The following NBAS variants were observed in gnomAD, a reference collection of about 807,000 sequenced individuals.
NBAS encodes the protein NBAS subunit of NRZ tethering complex.
NBAS carries 219 observed loss-of-function variants against 302.5 expected under a neutral mutation model. The observed-to-expected ratio is 0.72, with a 90% CI of 0.65 to 0.81. NBAS has a LOEUF of 0.81. Among genes scored for constraint, NBAS ranks in the 30% least tolerant of loss-of-function variants. The pLI, the probability that NBAS is intolerant of heterozygous loss-of-function variation, is 0.00. For missense variants in NBAS, 2,932 were observed against 2,841.6 expected (o/e 1.03, Z -0.72); for synonymous variants, 1,118 against 1,021.6 (o/e 1.09, Z -1.80).
At chr2:15,335,303 T>C (rs1002179571) in intron 35 of NBAS, among the ~76,000 whole-genome samples, 8 of 152,194 alleles carry the variant, frequency 5.3e-5, no homozygotes, top group Non-Finnish European at 8.8e-5. Flanking sequence ...AGATTGAAGA[T>C]AATACCAATA....
the NBAS span, among the ~76,000 whole-genome samples, chr2:14,896,583 A>AT: frequency 5.3e-4 from 79 of 149,116 alleles, no homozygotes; most frequent in South Asian, 1.1e-3. Flanking sequence ...TTCTCTTGCC[A>AT]TTTTTTTTTT....
the NBAS span, among the ~76,000 whole-genome samples, chr2:15,106,470 TC>T: frequency 6.6e-6 from 1 of 151,674 alleles, no homozygotes; most frequent in Non-Finnish European, 1.5e-5. Context: ...TCTCTCTCTC[TC>T]TCTCTCTCAC....
rs573906038 is a variant in NBAS, at chr2:15,531,564, A to G, written c.746+2979T>C. ...GAATTATTAACTACAAGGAGAATAAATAAGTAAGAAGTTACCAGGTGGGTC... is the reference window on the plus strand; with the variant it reads ...GAATTATTAACTACAAGGAGAATAAGTAAGTAAGAAGTTACCAGGTGGGTC... On this transcript the variant is annotated intron_variant, in intron 9 of 51. Coordinates refer to ENST00000281513, the MANE Select transcript of NBAS (RefSeq NM_015909.4). Among the ~76,000 whole-genome samples, 12 of 152,362 alleles carry G rather than the reference A, an allele frequency of 7.9e-5. No individual in the cohort carries two copies. The East Asian group carries it at 2.3e-3, about 29-fold the overall frequency.
chr2:14,895,422 G>T, the NBAS span, among the ~76,000 whole-genome samples: 9 of 152,236 alleles, frequency 5.9e-5, no homozygotes, highest in Non-Finnish European at 1.2e-4. Flanking sequence ...AACAAAAATA[G>T]ACAAATGAGA....
At chr2:15,438,178 G>A (rs562643920) in intron 21 of NBAS, among the ~76,000 whole-genome samples, 12 of 152,280 alleles carry the variant, frequency 7.9e-5, no homozygotes, top group African/African-American at 2.9e-4. Context: ...TCCAGATTAA[G>A]GAAAGCCTTT....
At chr2:15,004,223 T>C in the NBAS span, among the ~76,000 whole-genome samples, 14 of 152,202 alleles carry the variant, frequency 9.2e-5, no homozygotes, top group Non-Finnish European at 1.6e-4. Flanking sequence ...TTTGTCCCTT[T>C]TTTACTGTAT....
intron 25 of NBAS, among the ~76,000 whole-genome samples, chr2:15,406,839 A>G (rs1676439593): frequency 2.0e-5 from 3 of 152,328 alleles, no homozygotes; most frequent in Admixed American, 2.0e-4. Flanking sequence ...ACACTGAAAT[A>G]CCATTTCTCA....
At chr2:14,960,063 C>T in the NBAS span, among the ~76,000 whole-genome samples, 1 of 152,074 alleles carries the variant, frequency 6.6e-6, no homozygotes, top group South Asian at 2.1e-4. Flanking sequence ...AACTAAACTG[C>T]ACTTGGAAAA....
At chr2:15,340,191 C>T (rs187302255) in intron 35 of NBAS, among the ~76,000 whole-genome samples, 1 of 151,960 alleles carries the variant, frequency 6.6e-6, no homozygotes, top group South Asian at 2.1e-4. Context: ...AGCAGAAGCA[C>T]GGAGACAAAC....
intron 42 of NBAS, among the ~76,000 whole-genome samples, chr2:15,278,408 T>C (rs1234994903): frequency 2.0e-5 from 3 of 152,196 alleles, no homozygotes; most frequent in Non-Finnish European, 2.9e-5. Context: ...ATCCTTCTAT[T>C]CTGTTATTCG....
the NBAS span, among the ~76,000 whole-genome samples, chr2:14,971,849 A>C: frequency 6.4e-3 from 973 of 152,294 alleles, 13 homozygotes; most frequent in African/African-American, 0.022. Context: ...TAAAACCATA[A>C]ATACTAAATT....
chr2:14,781,605 G>C, the NBAS span, among the ~76,000 whole-genome samples: 10 of 152,056 alleles, frequency 6.6e-5, no homozygotes, highest in Non-Finnish European at 1.3e-4. Context: ...GATCAGCATG[G>C]GAATAGCAAG....
At chr2:15,188,866 C>G (rs1665211029) in intron 49 of NBAS, among the ~76,000 whole-genome samples, 1 of 152,168 alleles carries the variant, frequency 6.6e-6, no homozygotes, top group African/African-American at 2.4e-5. Flanking sequence ...AAGAAATCTA[C>G]AATTCAACTC....
At chr2:14,912,703 T>TAAAAAAAAAA in the NBAS span, among the ~76,000 whole-genome samples, 299 of 78,384 alleles carry the variant, frequency 3.8e-3, 5 homozygotes, top group African/African-American at 9.9e-3. Context: ...CATTCATTTT[T>TAAAAAAAAAA]AAAAAAAAAA....
intron 31 of NBAS, among the ~76,000 whole-genome samples, chr2:15,374,241 A>G (rs1388582916): frequency 1.3e-5 from 2 of 152,232 alleles, no homozygotes; most frequent in Non-Finnish European, 2.9e-5. Context: ...TTATTAATCT[A>G]TGCAATGGAA....
intron 21 of NBAS, among the ~76,000 whole-genome samples, chr2:15,440,174 C>G (rs1354819396): frequency 6.6e-6 from 1 of 152,322 alleles, no homozygotes; most frequent in East Asian, 1.9e-4. Flanking sequence ...CAGCACCCAA[C>G]TGGAGATCTG....
At chr2:15,455,704 C>A (rs1276316740) in intron 21 of NBAS, among the ~76,000 whole-genome samples, 1 of 151,096 alleles carries the variant, frequency 6.6e-6, no homozygotes, top group Admixed American at 6.6e-5. Flanking sequence ...ATCCACTTTA[C>A]AAGTGAGAAG....
At chr2:15,292,386 C>A (rs2148111939) in intron 41 of NBAS, 151 bp downstream of exon 41, 2 of 788,536 alleles carry the variant, frequency 2.5e-6, no homozygotes, top group Admixed American at 4.5e-5. Flanking sequence ...GGCACACATC[C>A]CACATAAGAC....
intron 44 of NBAS, among the ~76,000 whole-genome samples, chr2:15,249,521 ATT>A (rs1306939372): frequency 2.6e-5 from 4 of 152,202 alleles, no homozygotes; most frequent in Non-Finnish European, 5.9e-5. Flanking sequence ...GAGGAAGTGA[ATT>A]GTCTCTGTTT....
Sources: gnomAD v4.1 joint callset for allele counts (sites outside exome capture counted in the v4.1 genomes callset) on GRCh38, gnomAD v4.1.1 for gene constraint, MANE v1.5 for transcripts, NCBI Gene and HGNC (gene_info 2026-07-23, HGNC 2026-07-21) for gene names.